Variants in PRLH observed in about 807,000 individuals in gnomAD.
PRLH encodes the protein prolactin-releasing peptide.
PRLH carries 6 observed loss-of-function variants against 3.2 expected under a neutral mutation model. The observed-to-expected ratio is 1.86, with a 90% CI of 1.02 to 3.66. The LOEUF (loss-of-function observed/expected upper bound fraction) is 3.66, where lower values mean the gene tolerates loss of function less well. Among genes scored for constraint, PRLH ranks in the 30% most tolerant of loss-of-function variants. The pLI, the probability that PRLH is intolerant of heterozygous loss-of-function variation, is 0.00. For missense variants in PRLH, 145 were observed against 122.6 expected (o/e 1.18, Z -0.86); for synonymous variants, 65 against 51.1 (o/e 1.27, Z -1.16).
chr2:237,566,910 G>A (rs2081195161), intron 1 of PRLH, 102 bp from the exon 2 acceptor site: 4 of 1,525,658 alleles, frequency 2.6e-6, no homozygotes, highest in Non-Finnish European at 3.6e-6. Flanking sequence ...CTGGCGACTG[G>A]GCTGAGAGGC....
Position 237,567,075 on chromosome 2 carries a change from G to C in PRLH, c.164G>C (p.Arg55Pro), listed in dbSNP as rs372593695. 1 of 1,614,074 alleles carries C rather than the reference G, an allele frequency of 6.2e-7. No homozygotes were observed. The highest frequency in any genetic ancestry group is 1.1e-5 in the South Asian group (1 of 91,082). ...RGIRPVGRFG[R>P]RRATLGDVPK... ...ATCAGGCCTGTGGGCCGCTTCGGTC[G>C]GAGGAGGGCAACCCTGGGGGACGTC... Residue 55 changes from arginine to proline, a missense_variant, in exon 2 of 2, where the codon CGG (arginine) becomes CCG (proline). Coordinates refer to ENST00000165524, the MANE Select transcript of PRLH (RefSeq NM_015893.1).
rs750043248 is a variant in PRLH, at chr2:237,567,058, T to G, written c.147T>G (p.Pro49=). The change falls in exon 2 of 2, where the codon CCT becomes CCG. Residue 49 remains proline (P), a synonymous_variant. Transcript: ENST00000165524. ...PAWYASRGIR[P]VGRFGRRRAT... is the part of the protein sequence containing the mutation. ...GGTACGCCAGTCGCGGGATCAGGCC[T>G]GTGGGCCGCTTCGGTCGGAGGAGGG... The G allele has an allele frequency of 2.5e-6, 4 of 1,614,146 alleles. No individual in the cohort carries two copies. In the Admixed American group the frequency reaches 6.7e-5, roughly 27 times the overall value.
chr2:237,566,687 C>A lies in PRLH; in HGVS notation c.100+14C>A, dbSNP rs1169076091. 3 of 1,546,054 alleles carry A rather than the reference C, an allele frequency of 1.9e-6. No individual in the cohort carries two copies. The highest frequency in any genetic ancestry group is 2.6e-6 in the Non-Finnish European group (3 of 1,146,288). On this transcript the variant is annotated intron_variant, in intron 1 of 1. Coordinates refer to ENST00000165524, the MANE Select transcript of PRLH (RefSeq NM_015893.1). Reference sequence around the variant, plus strand: ...TGGAGATCCGCAGTGAGTGCCTGGACCCCTGTCAGCCTCCCTTACCCCACC... The same window carrying A: ...TGGAGATCCGCAGTGAGTGCCTGGAACCCTGTCAGCCTCCCTTACCCCACC...
rs1184099953 is a variant in PRLH at position 237,566,605 on chromosome 2, T to C, written c.32T>C (p.Leu11Pro). 6.3e-7 allele frequency: 1 copy of C among 1,581,178 alleles called. No homozygotes were observed. Among genetic ancestry groups the C allele is most frequent in the Non-Finnish European group, 8.6e-7 (1 of 1,165,030 alleles). MKVLRAWLLC[L>P]LMLGLALRGA... Reference sequence around the variant, plus strand: ...GTGCTGAGGGCCTGGCTCCTGTGCCTGCTGATGCTGGGCCTGGCCCTGCGG... The same window carrying C: ...GTGCTGAGGGCCTGGCTCCTGTGCCCGCTGATGCTGGGCCTGGCCCTGCGG... The change falls in exon 1 of 2, where the codon CTG becomes CCG. Residue 11 changes from leucine to proline, a missense_variant. Coordinates refer to ENST00000165524, the MANE Select transcript of PRLH (RefSeq NM_015893.1).
At chr2:237,566,976 C>G (rs371966369) in intron 1 of PRLH, 36 bp from the exon 2 acceptor site, 4 of 1,610,620 alleles carry the variant, frequency 2.5e-6, no homozygotes, top group East Asian at 2.2e-5. Flanking sequence ...CCTGGGGACA[C>G]GTGCCCATGG....
intron 1 of PRLH, 102 bp downstream of exon 1, chr2:237,566,775 C>A: frequency 1.6e-6 from 2 of 1,267,332 alleles, no homozygotes; most frequent in Non-Finnish European, 2.2e-6. Flanking sequence ...ACGGGGTGCG[C>A]GGGAGGAAAG....
At position 237,567,129 on chromosome 2, in the gene PRLH, C is replaced by A. The variant is rs768537215; in HGVS notation, c.218C>A (p.Thr73Asn). Reference protein sequence around the residue: ...VPKPGLRPRLTCFPLEGGAMS... With the variant: ...VPKPGLRPRLNCFPLEGGAMS... ...AAGCCTGGCCTGCGACCCCGGCTGA[C>A]CTGCTTCCCCCTGGAAGGCGGTGCT... The change falls in exon 2 of 2, where the codon ACC becomes AAC. Residue 73 changes from threonine (T) to asparagine (N), a missense_variant. By Grantham distance (65) the Thr-to-Asn change is moderately conservative. Transcript: ENST00000165524. The A allele has an allele frequency of 1.2e-6, 2 of 1,613,954 alleles. No individual in the cohort carries two copies. Among genetic ancestry groups the A allele is most frequent in the East Asian group, 4.5e-5 (2 of 44,864 alleles).
At chr2:237,566,778 G>T in intron 1 of PRLH, 105 bp downstream of exon 1, 2 of 1,240,990 alleles carry the variant, frequency 1.6e-6, no homozygotes, top group South Asian at 1.4e-5. Context: ...GGGTGCGCGG[G>T]AGGAAAGGGA....
chr2:237,566,630 G>T lies in PRLH; in HGVS notation c.57G>T (p.Arg19=), dbSNP rs1012512832. ...LCLLMLGLAL[R]GAASRTHRHS... ...TGCTGATGCTGGGCCTGGCCCTGCG[G>T]GGAGCTGCAAGTCGTACCCATCGGC... The change falls in exon 1 of 2, where the codon CGG becomes CGT. Residue 19 remains arginine (R), a synonymous_variant. Coordinates refer to ENST00000165524, the MANE Select transcript of PRLH (RefSeq NM_015893.1). The T allele has an allele frequency of 3.2e-6, 5 of 1,577,280 alleles. No individual in the cohort carries two copies. Among genetic ancestry groups the T allele is most frequent in the East Asian group, 2.3e-5 (1 of 43,402 alleles).
chr2:237,567,136 C>T lies in PRLH; in HGVS notation c.225C>T (p.Phe75=), dbSNP rs2081197405. ...KPGLRPRLTC[F]PLEGGAMSSQ... ...GCCTGCGACCCCGGCTGACCTGCTTCCCCCTGGAAGGCGGTGCTATGTCGT... is the reference window on the plus strand; with the variant it reads ...GCCTGCGACCCCGGCTGACCTGCTTTCCCCTGGAAGGCGGTGCTATGTCGT... Residue 75 remains phenylalanine, a synonymous_variant, in exon 2 of 2, where the codon TTC becomes TTT. Transcript: ENST00000165524. The T allele has an allele frequency of 6.2e-7, 1 of 1,613,746 alleles. No individual in the cohort carries two copies. The highest frequency in any genetic ancestry group is 1.7e-5 in the Admixed American group (1 of 59,980).
At position 237,567,072 on chromosome 2, in the gene PRLH, G is replaced by A. The variant is rs746063425; in HGVS notation, c.161G>A (p.Gly54Asp). Residue 54 changes from glycine (G) to aspartate (D), a missense_variant, in exon 2 of 2, where the codon GGT becomes GAT. Physicochemically the swap from Gly to Asp is moderately conservative, Grantham distance 94. Coordinates refer to ENST00000165524, the MANE Select transcript of PRLH (RefSeq NM_015893.1). ...SRGIRPVGRF[G>D]RRRATLGDVP... ...GGGATCAGGCCTGTGGGCCGCTTCG[G>A]TCGGAGGAGGGCAACCCTGGGGGAC... 6.2e-7 allele frequency: 1 copy of A among 1,614,062 alleles called. No homozygotes were observed. The highest frequency in any genetic ancestry group is 8.5e-7 in the Non-Finnish European group (1 of 1,179,938).
chr2:237,567,139 C>T lies in PRLH; in HGVS notation c.228C>T (p.Pro76=), dbSNP rs1450868598. The change falls in exon 2 of 2, where the codon CCC becomes CCT. Residue 76 remains proline (P), a synonymous_variant. Transcript: ENST00000165524. Reference sequence around the variant, plus strand: ...TGCGACCCCGGCTGACCTGCTTCCCCCTGGAAGGCGGTGCTATGTCGTCCC... The same window carrying T: ...TGCGACCCCGGCTGACCTGCTTCCCTCTGGAAGGCGGTGCTATGTCGTCCC... ...PGLRPRLTCF[P]LEGGAMSSQD... is the part of the protein sequence containing the mutation. 1 of 1,613,728 alleles carries T rather than the reference C, an allele frequency of 6.2e-7. No individual in the cohort carries two copies. The highest frequency in any genetic ancestry group is 1.1e-5 in the South Asian group (1 of 91,034).
intron 1 of PRLH, 36 bp from the exon 2 acceptor site, chr2:237,566,975 AC>A (rs1559389968): frequency 6.2e-7 from 1 of 1,610,406 alleles, no homozygotes; most frequent in Non-Finnish European, 8.5e-7. Context: ...CCCTGGGGAC[AC>A]GTGCCCATGG....
Position 237,567,091 on chromosome 2 carries a change from G to A in PRLH, c.180G>A (p.Leu60=), listed in dbSNP as rs2081196932. 6.2e-7 allele frequency: 1 copy of A among 1,614,016 alleles called. No individual in the cohort carries two copies. Among genetic ancestry groups the A allele is most frequent in the Non-Finnish European group, 8.5e-7 (1 of 1,180,028 alleles). ...GCTTCGGTCGGAGGAGGGCAACCCT[G>A]GGGGACGTCCCCAAGCCTGGCCTGC... The part of the protein sequence containing the change: ...VGRFGRRRAT[L]GDVPKPGLRP... Residue 60 remains leucine (L), a synonymous_variant, in exon 2 of 2, where the codon CTG becomes CTA. Transcript: ENST00000165524.
In PRLH at chr2:237,566,589, G is replaced by A; in HGVS notation, c.16G>A (p.Ala6Thr). The A allele has an allele frequency of 6.3e-7, 1 of 1,575,816 alleles. No individual in the cohort carries two copies. The highest frequency in any genetic ancestry group is 8.6e-7 in the Non-Finnish European group (1 of 1,162,288). Reference sequence around the variant, plus strand: ...GAGCCAAGGGATGAAGGTGCTGAGGGCCTGGCTCCTGTGCCTGCTGATGCT... The same window carrying A: ...GAGCCAAGGGATGAAGGTGCTGAGGACCTGGCTCCTGTGCCTGCTGATGCT... MKVLRAWLLCLLMLGL... is the reference protein window; with the variant it reads MKVLRTWLLCLLMLGL... Residue 6 changes from alanine (A) to threonine (T), a missense_variant, in exon 1 of 2, where the codon GCC (alanine) becomes ACC (threonine). By Grantham distance (58) the Ala-to-Thr change is moderately conservative. Transcript: ENST00000165524.
intron 1 of PRLH, among the ~76,000 whole-genome samples, 155 bp downstream of exon 1, chr2:237,566,828 G>C (rs867723821): frequency 3.3e-5 from 5 of 152,248 alleles, no homozygotes; most frequent in Admixed American, 1.3e-4. Context: ...GCTTCCCAAA[G>C]CCAGCCCACG....
In PRLH at chr2:237,567,068, T is replaced by A. The variant is rs1183481386; in HGVS notation, c.157T>A (p.Phe53Ile). 1 of 1,614,056 alleles carries A rather than the reference T, an allele frequency of 6.2e-7. No individual in the cohort carries two copies. Among genetic ancestry groups the A allele is most frequent in the Admixed American group, 1.7e-5 (1 of 60,032 alleles). Reference sequence around the variant, plus strand: ...TCGCGGGATCAGGCCTGTGGGCCGCTTCGGTCGGAGGAGGGCAACCCTGGG... The same window carrying A: ...TCGCGGGATCAGGCCTGTGGGCCGCATCGGTCGGAGGAGGGCAACCCTGGG... ...ASRGIRPVGR[F>I]GRRRATLGDV... Residue 53 changes from phenylalanine (F) to isoleucine (I), a missense_variant, in exon 2 of 2, where the codon TTC (phenylalanine) becomes ATC (isoleucine). Physicochemically the swap from Phe to Ile is conservative, Grantham distance 21 (BLOSUM62 0). Transcript: ENST00000165524.
Position 237,566,615 on chromosome 2 carries a change from G to T in PRLH, c.42G>T (p.Leu14=). 6.3e-7 allele frequency: 1 copy of T among 1,581,522 alleles called. No homozygotes were observed. ...LRAWLLCLLM[L]GLALRGAASR... is the part of the protein sequence containing the mutation. ...CCTGGCTCCTGTGCCTGCTGATGCT[G>T]GGCCTGGCCCTGCGGGGAGCTGCAA... The change falls in exon 1 of 2, where the codon CTG becomes CTT. Residue 14 remains leucine (L), a synonymous_variant. Coordinates refer to ENST00000165524, the MANE Select transcript of PRLH (RefSeq NM_015893.1).
chr2:237,567,172 C>T lies in PRLH; in HGVS notation c.261C>T (p.Gly87=). 1 of 1,604,874 alleles carries T rather than the reference C, an allele frequency of 6.2e-7. No homozygotes were observed. Among genetic ancestry groups the T allele is most frequent in the African/African-American group, 1.3e-5 (1 of 74,874 alleles). Residue 87 remains glycine (G), a synonymous_variant, in exon 2 of 2, where the codon GGC becomes GGT. Coordinates refer to ENST00000165524, the MANE Select transcript of PRLH (RefSeq NM_015893.1). ...GCGGTGCTATGTCGTCCCAGGATGGCTGACAGCCAGCTTGTCAAGAAACTC... is the reference window on the plus strand; with the variant it reads ...GCGGTGCTATGTCGTCCCAGGATGGTTGACAGCCAGCTTGTCAAGAAACTC... The part of the protein sequence containing the change: ...LEGGAMSSQD[G]
Sources: allele counts gnomAD v4.1 joint callset (sites outside exome capture counted in the v4.1 genomes callset), GRCh38; gene constraint gnomAD v4.1.1; transcripts MANE v1.5; gene names NCBI Gene and HGNC (gene_info 2026-07-23, HGNC 2026-07-21).